The following BTD variants were observed in gnomAD, a reference collection of about 807,000 sequenced individuals.
The protein encoded by BTD is biotinidase.
Under a neutral mutation model 17.7 loss-of-function variants are expected in BTD, and 13 were observed. The ratio of observed to expected loss-of-function variants is 0.74; its 90% CI spans 0.48 to 1.17. The LOEUF (loss-of-function observed/expected upper bound fraction) is 1.17, where lower values mean the gene tolerates loss of function less well. BTD is among the 50% of genes most tolerant of loss of function. BTD has a pLI of 0.00. For synonymous variants in BTD, 240 were observed against 245.2 expected (o/e 0.98, Z 0.20); for missense variants, 674 against 650.4 (o/e 1.04, Z -0.39).
Position 15,642,346 on chromosome 3 carries a change from C to T in BTD, c.399+289C>T, listed in dbSNP as rs772266340. ...TAAAAAAAGAAAAGTTCATCTTCAC[C>T]ACAGCCTGCACCTCATCCCATGCCC... On this transcript the variant is annotated intron_variant, in intron 3 of 3. Coordinates refer to ENST00000643237, the MANE Select transcript of BTD (RefSeq NM_001370658.1). The T allele has an allele frequency of 1.1e-4, 118 of 1,082,764 alleles. No homozygotes were observed. In the Middle Eastern group the frequency reaches 1.6e-3, roughly 14 times the overall value. 67.1% of individuals were successfully genotyped at this position (1,082,764 alleles called of 1,614,324 possible).
chr3:15,659,628 A>G (rs1421326787), intron 3 of BTD, among the ~76,000 whole-genome samples: 1 of 152,080 alleles, frequency 6.6e-6, no homozygotes. Flanking sequence ...TAATATTTCA[A>G]TTTTTTATTC....
chr3:15,675,762 G>T, intron 3 of BTD: 2 of 662,666 alleles, frequency 3.0e-6, no homozygotes, highest in Non-Finnish European at 4.6e-6. Flanking sequence ...TTATTCCTTT[G>T]CCACAAACTA....
intron 3 of BTD, among the ~76,000 whole-genome samples, chr3:15,680,136 G>A (rs2067386176): frequency 6.6e-6 from 1 of 152,104 alleles, no homozygotes; most frequent in African/African-American, 2.4e-5. Flanking sequence ...GCAATGGGAT[G>A]TTTAATTCCG....
At chr3:15,662,595 C>T (rs2065935247) in intron 3 of BTD, among the ~76,000 whole-genome samples, 1 of 151,936 alleles carries the variant, frequency 6.6e-6, no homozygotes, top group Non-Finnish European at 1.5e-5. Context: ...ATTTCCTTTT[C>T]TTGTCTTATA....
intron 2 of BTD, 109 bp from the exon 3 acceptor site, chr3:15,641,799 C>A: frequency 1.2e-6 from 1 of 837,494 alleles, no homozygotes; most frequent in Non-Finnish European, 2.0e-6. Context: ...GTTCCTGCTA[C>A]AGAGTAACTT....
chr3:15,711,385 T>A, exon 4 of BTD: 1 of 864,472 alleles, frequency 1.2e-6, no homozygotes, highest in South Asian at 1.7e-5. Context: ...AACAAAACTA[T>A]GGGTTCTTAA....
intron 1 of BTD, among the ~76,000 whole-genome samples, chr3:15,617,605 C>G (rs1229859526): frequency 6.6e-6 from 1 of 152,166 alleles, no homozygotes; most frequent in African/African-American, 2.4e-5. Flanking sequence ...GTGGTACACA[C>G]TTGTAGTCCC....
At chr3:15,626,780 C>CA (rs374875165) in intron 1 of BTD, among the ~76,000 whole-genome samples, 19,265 of 93,564 alleles carry the variant, frequency 0.21, 1,917 homozygotes, top group East Asian at 0.33. Context: ...GACCCTGTCT[C>CA]AAAAAAAAAA....
intron 3 of BTD, chr3:15,694,612 T>G (rs529344929): frequency 1.7e-6 from 1 of 601,390 alleles, no homozygotes; most frequent in Non-Finnish European, 2.7e-6. Context: ...TTCTCAAAGT[T>G]TTAATTCCAT....
chr3:15,643,050 TA>T (rs145247612), intron 3 of BTD, among the ~76,000 whole-genome samples: 36,027 of 140,362 alleles, frequency 0.26, 4,622 homozygotes, highest in African/African-American at 0.29. Context: ...AAAAATAAAA[TA>T]AAATAAAGAA....
chr3:15,602,801 G>T (rs1384280936), intron 1 of BTD, among the ~76,000 whole-genome samples: 2 of 152,090 alleles, frequency 1.3e-5, no homozygotes, highest in Non-Finnish European at 2.9e-5. Flanking sequence ...CCAAGCAGAG[G>T]AGAGTGAAGT....
intron 2 of BTD, among the ~76,000 whole-genome samples, chr3:15,640,563 G>T (rs2065469130): frequency 6.6e-6 from 1 of 151,964 alleles, no homozygotes; most frequent in African/African-American, 2.4e-5. Flanking sequence ...GCTAATTTTT[G>T]TATTTTTAGT....
At position 15,649,690 on chromosome 3, in the gene BTD, C is replaced by T. The variant is rs752851913; in HGVS notation, c.*4202C>T. Among the ~76,000 whole-genome samples, 2 of 152,200 alleles carry T rather than the reference C, an allele frequency of 1.3e-5. No individual in the cohort carries two copies. The highest frequency in any genetic ancestry group is 2.9e-5 in the Non-Finnish European group (2 of 68,038). ...CTGTACTGTTGTCTGCTTGAAATGG[C>T]GTCTTCTGATGAACACTCATCCATC... On this transcript the variant is annotated 3_prime_UTR_variant, in exon 4 of 4. Coordinates refer to ENST00000643237, the MANE Select transcript of BTD (RefSeq NM_001370658.1).
intron 2 of BTD, 51 bp from the exon 3 acceptor site, chr3:15,641,857 G>C (rs1171285798): frequency 2.2e-6 from 3 of 1,360,122 alleles, no homozygotes; most frequent in Non-Finnish European, 3.1e-6. Flanking sequence ...GAATGCAGCG[G>C]TTCTTCCTGC....
chr3:15,713,885 G>A (rs1176431626), downstream of BTD, among the ~76,000 whole-genome samples: 1 of 152,132 alleles, frequency 6.6e-6, no homozygotes, highest in African/African-American at 2.4e-5. Context: ...GGGTTCTGGG[G>A]TCCAATAAGT....
At chr3:15,713,393 C>CA, downstream of BTD, 3 of 642,482 alleles carry the variant, frequency 4.7e-6, no homozygotes, top group South Asian at 6.1e-5. Context: ...TTTGTCAATA[C>CA]AAAAGAAAGT....
intron 3 of BTD, chr3:15,670,100 T>C: frequency 1.5e-6 from 1 of 688,880 alleles, no homozygotes; most frequent in East Asian, 2.8e-5. Flanking sequence ...GTTCCTTTTG[T>C]AAAACTTGCC....
chr3:15,667,491 T>G (rs2066043066), intron 3 of BTD: 1 of 152,354 alleles, frequency 6.6e-6, no homozygotes, highest in South Asian at 2.1e-4. Flanking sequence ...AAACAGGCTT[T>G]TCTACTCTGT....
At chr3:15,696,269 C>G (rs373471383) in intron 3 of BTD, 8 of 1,400,710 alleles carry the variant, frequency 5.7e-6, no homozygotes. Context: ...CAACAACATA[C>G]TGAAAATCCT....
Sources: allele counts gnomAD v4.1 joint callset (sites outside exome capture counted in the v4.1 genomes callset), GRCh38; gene constraint gnomAD v4.1.1; transcripts MANE v1.5; gene names NCBI Gene and HGNC (gene_info 2026-07-23, HGNC 2026-07-21).